The following MYO1D variants were observed in gnomAD, a reference collection of about 807,000 sequenced individuals.
MYO1D encodes the protein unconventional myosin-Id.
Under a neutral mutation model 122.0 loss-of-function variants are expected in MYO1D, and 83 were observed. The ratio of observed to expected loss-of-function variants is 0.68; its 90% CI spans 0.57 to 0.82. The LOEUF is 0.82. Ranked by LOEUF, MYO1D falls within the 40% of genes least tolerant of loss-of-function variation. The pLI is 0.00. For missense variants in MYO1D, 1,157 were observed against 1,269.5 expected (o/e 0.91, Z 1.35); for synonymous variants, 464 against 446.9 (o/e 1.04, Z -0.48).
At chr17:32,769,296 G>C (rs2090090739) in intron 6 of MYO1D, among the ~76,000 whole-genome samples, 1 of 152,306 alleles carries the variant, frequency 6.6e-6, no homozygotes, top group South Asian at 2.1e-4. Flanking sequence ...TAAGAGGACA[G>C]AGCTGTCCAT....
At chr17:32,588,622 C>A (rs1290677071) in intron 21 of MYO1D, among the ~76,000 whole-genome samples, 1 of 152,184 alleles carries the variant, frequency 6.6e-6, no homozygotes, top group Non-Finnish European at 1.5e-5. Flanking sequence ...GGCAAACTGA[C>A]TTCTGGTGAA....
At chr17:32,656,722 A>C (rs887541786) in intron 17 of MYO1D, among the ~76,000 whole-genome samples, 29 of 152,332 alleles carry the variant, frequency 1.9e-4, no homozygotes, top group African/African-American at 6.7e-4. Context: ...GAAGAGACTA[A>C]AAGAGTGACA....
intron 1 of MYO1D, among the ~76,000 whole-genome samples, chr17:32,781,263 CAG>C (rs1275944748): frequency 1.3e-5 from 2 of 152,140 alleles, no homozygotes; most frequent in Non-Finnish European, 2.9e-5. Flanking sequence ...AAATCCATAA[CAG>C]AGAGAATGGT....
chr17:32,693,976 A>C (rs143169526), intron 16 of MYO1D, among the ~76,000 whole-genome samples: 348 of 152,338 alleles, frequency 2.3e-3, no homozygotes, highest in Non-Finnish European at 4.1e-3. Context: ...AATATGTTAA[A>C]TACTAAATGG....
Position 32,677,051 on chromosome 17 carries a change from C to T in MYO1D, c.2122-17713G>A, listed in dbSNP as rs554407753. Among the ~76,000 whole-genome samples, 683 of 152,246 alleles carry T rather than the reference C, an allele frequency of 4.5e-3. 1 individual carries two copies. The highest frequency in any genetic ancestry group is 0.013 in the South Asian group (64 of 4,820). ...GGTCTTGATCTCCTGACTTCGTGATCTGCCCGCTTCGGCCTCCCAAAGTGC... is the reference window on the plus strand; with the variant it reads ...GGTCTTGATCTCCTGACTTCGTGATTTGCCCGCTTCGGCCTCCCAAAGTGC... On this transcript the variant is annotated intron_variant, in intron 16 of 21. Coordinates refer to ENST00000318217, the MANE Select transcript of MYO1D (RefSeq NM_015194.3).
At chr17:32,542,864 T>C (rs571477019) in intron 21 of MYO1D, among the ~76,000 whole-genome samples, 4 of 152,184 alleles carry the variant, frequency 2.6e-5, no homozygotes, top group Admixed American at 6.5e-5. Context: ...TTGGGGAGCA[T>C]AGCCTACAGA....
intron 1 of MYO1D, among the ~76,000 whole-genome samples, chr17:32,793,505 C>CA (rs1231425179): frequency 6.6e-6 from 1 of 152,154 alleles, no homozygotes; most frequent in Non-Finnish European, 1.5e-5. Flanking sequence ...TATTGCTTGA[C>CA]ATTTGAATTA....
intron 20 of MYO1D, among the ~76,000 whole-genome samples, chr17:32,612,839 G>T (rs1002703728): frequency 6.6e-6 from 1 of 151,708 alleles, no homozygotes. Context: ...CACGATCTCG[G>T]CTCACTGCAG....
rs537351968 is a variant in MYO1D at position 32,750,728 on chromosome 17, T to C, written c.1468-1722A>G. 7.2e-5 allele frequency among the ~76,000 whole-genome samples: 11 copies of C among 152,364 alleles called. No homozygotes were observed. In the South Asian group the frequency reaches 2.3e-3, roughly 32 times the overall value. On this transcript the variant is annotated intron_variant, in intron 11 of 21. Transcript: ENST00000318217. ...ACCTGAAAGGTGTATTCTATTAATT[T>C]GACAAGTGAATAATTACAGGAAATT...
intron 21 of MYO1D, among the ~76,000 whole-genome samples, chr17:32,552,448 CCA>C (rs2087026325): frequency 7.5e-6 from 1 of 132,876 alleles, no homozygotes; most frequent in African/African-American, 2.8e-5. Context: ...ATCCATCCAT[CCA>C]TCCATCCATC....
intron 11 of MYO1D, among the ~76,000 whole-genome samples, chr17:32,750,305 G>GA (rs1439510216): frequency 6.6e-6 from 1 of 152,080 alleles, no homozygotes; most frequent in Non-Finnish European, 1.5e-5. Flanking sequence ...AGACATCTAG[G>GA]AGAGTCCACA....
chr17:32,761,769 A>T (rs894484278), intron 8 of MYO1D, among the ~76,000 whole-genome samples: 1 of 152,106 alleles, frequency 6.6e-6, no homozygotes, highest in African/African-American at 2.4e-5. Context: ...GCCATCTCAA[A>T]CTCAAAGGAC....
chr17:32,512,099 G>A (rs1031298477), intron 21 of MYO1D, among the ~76,000 whole-genome samples: 1 of 152,078 alleles, frequency 6.6e-6, no homozygotes, highest in Non-Finnish European at 1.5e-5. Flanking sequence ...TCAGGTGTTC[G>A]AGACCAGACG....
chr17:32,818,900 G>C (rs1053519244), intron 1 of MYO1D, among the ~76,000 whole-genome samples: 3 of 152,140 alleles, frequency 2.0e-5, no homozygotes, highest in African/African-American at 7.2e-5. Context: ...CTCATTTTCT[G>C]CTTAAAAACT....
At chr17:32,638,943 C>T in intron 19 of MYO1D, 108 bp from the exon 20 acceptor site, 1 of 694,604 alleles carries the variant, frequency 1.4e-6, no homozygotes, top group East Asian at 2.6e-5. Flanking sequence ...TATGGCCACT[C>T]TACTGGATGC....
chr17:32,793,365 ATC>A (rs1226288169), intron 1 of MYO1D, among the ~76,000 whole-genome samples: 1 of 150,712 alleles, frequency 6.6e-6, no homozygotes, highest in Admixed American at 6.6e-5. Context: ...CTGTCTCTCA[ATC>A]TCTCTCTCTG....
chr17:32,803,871 C>T (rs1464957882), intron 1 of MYO1D, among the ~76,000 whole-genome samples: 1 of 152,132 alleles, frequency 6.6e-6, no homozygotes. Flanking sequence ...AATCCAAACA[C>T]AGTAATTACC....
chr17:32,809,631 GT>G (rs2090551973), intron 1 of MYO1D, among the ~76,000 whole-genome samples: 1 of 152,030 alleles, frequency 6.6e-6, no homozygotes, highest in East Asian at 1.9e-4. Context: ...TAGAGACAGG[GT>G]TTTACCATGT....
intron 20 of MYO1D, among the ~76,000 whole-genome samples, chr17:32,635,685 T>C (rs1187911587): frequency 6.6e-6 from 1 of 151,976 alleles, no homozygotes; most frequent in Non-Finnish European, 1.5e-5. Flanking sequence ...AGAGCAAGAC[T>C]CCGTCTCGGG....
Sources: allele counts gnomAD v4.1 joint callset (sites outside exome capture counted in the v4.1 genomes callset), GRCh38; gene constraint gnomAD v4.1.1; transcripts MANE v1.5; gene names NCBI Gene and HGNC (gene_info 2026-07-23, HGNC 2026-07-21).